Variants in EIF4G3 observed in about 807,000 individuals in gnomAD.
EIF4G3 encodes eukaryotic translation initiation factor 4 gamma 3.
Under a neutral mutation model 186.4 loss-of-function variants are expected in EIF4G3, and 34 were observed. That is an observed-to-expected ratio of 0.18 (90% CI 0.14 to 0.24). The LOEUF (loss-of-function observed/expected upper bound fraction) is 0.24. Among genes scored for constraint, EIF4G3 ranks in the 10% least tolerant of loss-of-function variants. The pLI, the probability that EIF4G3 is intolerant of heterozygous loss-of-function variation, is 1.00. For synonymous variants in EIF4G3, 673 were observed against 679.5 expected (o/e 0.99, Z 0.15); for missense variants, 1,536 against 1,948.5 (o/e 0.79, Z 3.99).
At chr1:21,151,477 A>T (rs370651570) in intron 2 of EIF4G3, among the ~76,000 whole-genome samples, 1 of 151,734 alleles carries the variant, frequency 6.6e-6, no homozygotes, top group East Asian at 1.9e-4. Context: ...TGACCTCGTG[A>T]TCCGCCCGCC....
intron 6 of EIF4G3, chr1:20,999,418 GTTTC>G (rs1231977375): frequency 3.1e-6 from 1 of 322,276 alleles, no homozygotes; most frequent in Non-Finnish European, 6.2e-6. Flanking sequence ...GGAGTGAAAT[GTTTC>G]TTTATGACAC....
chr1:21,023,782 C>T (rs201500214), intron 4 of EIF4G3, among the ~76,000 whole-genome samples: 46,909 of 137,636 alleles, frequency 0.34, 8,493 homozygotes, highest in Non-Finnish European at 0.41. Context: ...GGAGCGTCTC[C>T]GCCCGGCCGC....
chr1:20,820,747 C>T (rs1290000440), intron 33 of EIF4G3, among the ~76,000 whole-genome samples: 2 of 152,178 alleles, frequency 1.3e-5, no homozygotes, highest in South Asian at 2.1e-4. Context: ...GGTAGAGAGA[C>T]GATTGGAGGA....
chr1:21,002,608 C>T, intron 5 of EIF4G3, 105 bp downstream of exon 5: 1 of 1,211,018 alleles, frequency 8.3e-7, no homozygotes, highest in African/African-American at 1.5e-5. Context: ...ATCTTTGGAA[C>T]AAACTTCCAA....
intron 4 of EIF4G3, among the ~76,000 whole-genome samples, chr1:21,023,816 C>T (rs1278764340): frequency 2.1e-5 from 3 of 142,326 alleles, no homozygotes; most frequent in African/African-American, 8.2e-5. Context: ...AAGTGAGGAG[C>T]GCCTCTTCCC....
intron 3 of EIF4G3, among the ~76,000 whole-genome samples, chr1:21,084,526 G>A (rs1200746695): frequency 1.3e-5 from 2 of 152,034 alleles, no homozygotes; most frequent in African/African-American, 4.8e-5. Context: ...ATTACAATTC[G>A]ACATGAGATT....
At chr1:21,008,497 C>T (rs921743865) in intron 4 of EIF4G3, among the ~76,000 whole-genome samples, 6 of 151,978 alleles carry the variant, frequency 3.9e-5, no homozygotes, top group Admixed American at 2.6e-4. Flanking sequence ...CCACCACGCC[C>T]GGCTAATTTT....
At chr1:21,119,834 T>G (rs2096895778) in intron 2 of EIF4G3, among the ~76,000 whole-genome samples, 1 of 152,108 alleles carries the variant, frequency 6.6e-6, no homozygotes, top group African/African-American at 2.4e-5. Context: ...GTAACCACTA[T>G]CAAGTTTCTT....
chr1:21,068,844 ATTT>A (rs1255254183), intron 3 of EIF4G3, among the ~76,000 whole-genome samples: 7 of 152,214 alleles, frequency 4.6e-5, no homozygotes, highest in African/African-American at 7.2e-5. Context: ...AATGTTTCAG[ATTT>A]CAGATTTTGG....
intron 4 of EIF4G3, among the ~76,000 whole-genome samples, chr1:21,007,403 C>CA (rs1410879803): frequency 6.7e-6 from 1 of 150,022 alleles, no homozygotes; most frequent in African/African-American, 2.4e-5. Flanking sequence ...CATCTCAAAA[C>CA]AAAAAACTGT....
At chr1:20,975,959 C>T (rs898762209) in intron 10 of EIF4G3, among the ~76,000 whole-genome samples, 2 of 151,856 alleles carry the variant, frequency 1.3e-5, no homozygotes, top group African/African-American at 4.8e-5. Flanking sequence ...AGAGACCATA[C>T]AGCCTGCAAA....
intron 4 of EIF4G3, among the ~76,000 whole-genome samples, chr1:21,013,960 A>G (rs1042996969): frequency 6.6e-6 from 1 of 152,220 alleles, no homozygotes; most frequent in Non-Finnish European, 1.5e-5. Context: ...ACCTGAGATC[A>G]GGAGTTCGAG....
At position 20,982,535 on chromosome 1, in the gene EIF4G3, T is replaced by C. The variant is rs146926497; in HGVS notation, c.178-127A>G. The stretch of plus-strand genomic sequence containing the variant: ...AAAATATCTTTCTATTTAGTAATAA[T>C]AGGAGAAGAAAGAAGACTAGAAAAT... On this transcript the variant is annotated intron_variant, in intron 7 of 36. Transcript: ENST00000602326. 773 of 588,728 alleles carry C rather than the reference T, an allele frequency of 1.3e-3. 7 individuals are homozygous for C. In the East Asian group the frequency reaches 0.018, roughly 14 times the overall value. 36.5% of individuals were successfully genotyped at this position (588,728 alleles called of 1,614,324 possible).
chr1:21,044,635 T>G (rs2093770183), intron 4 of EIF4G3, among the ~76,000 whole-genome samples: 1 of 77,764 alleles, frequency 1.3e-5, no homozygotes, highest in African/African-American at 3.6e-5. Flanking sequence ...TAAACTTCAT[T>G]CGTTTTTTTT....
chr1:20,997,691 A>C, intron 6 of EIF4G3, 58 bp from the exon 7 acceptor site: 2 of 1,404,708 alleles, frequency 1.4e-6, no homozygotes, highest in Non-Finnish European at 1.9e-6. Context: ...CAGAAACACC[A>C]CAACAAAAAC....
At chr1:20,864,414 C>CA in intron 22 of EIF4G3, 62 bp downstream of exon 22, 1 of 1,198,272 alleles carries the variant, frequency 8.3e-7, no homozygotes, top group Non-Finnish European at 1.2e-6. Flanking sequence ...TGTTGACAGT[C>CA]TAAGTTCTTT....
At chr1:20,984,392 C>T (rs1253716465) in intron 7 of EIF4G3, among the ~76,000 whole-genome samples, 1 of 151,942 alleles carries the variant, frequency 6.6e-6, no homozygotes, top group Non-Finnish European at 1.5e-5. Flanking sequence ...TCTCGAATAC[C>T]TGACCTTGGG....
At chr1:20,936,023 T>C (rs2095507052) in intron 14 of EIF4G3, among the ~76,000 whole-genome samples, 1 of 152,170 alleles carries the variant, frequency 6.6e-6, no homozygotes, top group African/African-American at 2.4e-5. Flanking sequence ...TTAGGGCTCA[T>C]GATGAAAGAC....
At chr1:21,149,593 C>T (rs1053723448) in intron 2 of EIF4G3, among the ~76,000 whole-genome samples, 1 of 152,130 alleles carries the variant, frequency 6.6e-6, no homozygotes, top group Non-Finnish European at 1.5e-5. Context: ...AAACTCACCC[C>T]ATCCAAATGG....
Sources: allele counts gnomAD v4.1 joint callset (sites outside exome capture counted in the v4.1 genomes callset), GRCh38; gene constraint gnomAD v4.1.1; transcripts MANE v1.5; gene names NCBI Gene and HGNC (gene_info 2026-07-23, HGNC 2026-07-21).